Variants in CACNA2D3 observed in about 807,000 individuals in gnomAD.
The protein encoded by CACNA2D3 is voltage-dependent calcium channel subunit alpha-2/delta-3.
CACNA2D3 carries 60 observed loss-of-function variants against 160.6 expected under a neutral mutation model. The ratio of observed to expected loss-of-function variants is 0.37; its 90% CI spans 0.30 to 0.46. CACNA2D3 has a LOEUF of 0.46. CACNA2D3 is among the 20% of genes least tolerant of loss of function. The pLI, the probability that CACNA2D3 is intolerant of heterozygous loss-of-function variation, is 1.00. For synonymous variants in CACNA2D3, 558 were observed against 492.9 expected (o/e 1.13, Z -1.75); for missense variants, 1,205 against 1,365.0 (o/e 0.88, Z 1.85).
intron 3 of CACNA2D3, among the ~76,000 whole-genome samples, chr3:54,357,714 C>G (rs1476465492): frequency 6.6e-6 from 1 of 152,150 alleles, no homozygotes; most frequent in Non-Finnish European, 1.5e-5. Flanking sequence ...GTACTGCAGA[C>G]AATGGAATGT....
chr3:54,939,579 G>A lies in CACNA2D3; in HGVS notation c.2450-28871G>A, dbSNP rs866552446. 5.3e-5 allele frequency among the ~76,000 whole-genome samples: 8 copies of A among 152,200 alleles called. No homozygotes were observed. In the South Asian group the frequency reaches 6.2e-4, roughly 12 times the overall value. ...CCAGGGATTGGGCAAAGTGTGCTGG[G>A]GCCGGAGGTGGGGAAAGCAAGGCAT... is the stretch of plus-strand genomic sequence containing the variant. On this transcript the variant is annotated intron_variant, in intron 27 of 37. Transcript: ENST00000474759.
chr3:54,995,327 C>T (rs867078820), intron 31 of CACNA2D3, among the ~76,000 whole-genome samples: 2 of 152,198 alleles, frequency 1.3e-5, no homozygotes, highest in South Asian at 4.2e-4. Context: ...AGAATTGGTC[C>T]AGCCACAAAT....
intron 4 of CACNA2D3, among the ~76,000 whole-genome samples, chr3:54,412,446 G>C (rs185552434): frequency 6.6e-6 from 1 of 151,866 alleles, no homozygotes; most frequent in African/African-American, 2.4e-5. Context: ...GGATTGCTTT[G>C]TCTTCTGGTT....
chr3:54,654,526 C>G (rs1699839739), intron 11 of CACNA2D3, among the ~76,000 whole-genome samples: 1 of 152,070 alleles, frequency 6.6e-6, no homozygotes, highest in South Asian at 2.1e-4. Flanking sequence ...CTGCAGGCAA[C>G]AGCCACCACC....
chr3:55,024,950 GT>G (rs1458850517), intron 35 of CACNA2D3, among the ~76,000 whole-genome samples: 2 of 152,182 alleles, frequency 1.3e-5, no homozygotes, highest in Non-Finnish European at 2.9e-5. Context: ...AATGCCACTG[GT>G]TTTATAATGA....
At chr3:54,547,962 C>A (rs909812603) in intron 5 of CACNA2D3, among the ~76,000 whole-genome samples, 6 of 152,230 alleles carry the variant, frequency 3.9e-5, no homozygotes, top group Admixed American at 1.3e-4. Flanking sequence ...CCAAAGCACT[C>A]GGATTACAGG....
chr3:54,613,881 C>G (rs1698795074), intron 9 of CACNA2D3, among the ~76,000 whole-genome samples: 1 of 152,194 alleles, frequency 6.6e-6, no homozygotes, highest in Non-Finnish European at 1.5e-5. Context: ...CCTGCCTTTA[C>G]CTCCAGGCCC....
At chr3:54,467,903 ATGTT>A (rs776280023) in intron 4 of CACNA2D3, among the ~76,000 whole-genome samples, 2 of 152,180 alleles carry the variant, frequency 1.3e-5, no homozygotes, top group Non-Finnish European at 2.9e-5. Flanking sequence ...GAAATGATGA[ATGTT>A]TGAGGTGATG....
chr3:54,290,608 A>T (rs534392291), intron 2 of CACNA2D3, among the ~76,000 whole-genome samples: 2 of 150,800 alleles, frequency 1.3e-5, no homozygotes, highest in South Asian at 4.3e-4. Context: ...ACACATGCAC[A>T]CGTATGTTTA....
intron 2 of CACNA2D3, among the ~76,000 whole-genome samples, chr3:54,136,893 G>A (rs956308993): frequency 3.3e-5 from 5 of 152,212 alleles, no homozygotes; most frequent in African/African-American, 7.2e-5. Context: ...TTGGTGGTCC[G>A]TGGACCACGC....
intron 2 of CACNA2D3, among the ~76,000 whole-genome samples, chr3:54,266,898 G>T (rs374443528): frequency 1.1e-4 from 17 of 152,274 alleles, no homozygotes; most frequent in African/African-American, 4.1e-4. Context: ...CTTAGGGAGA[G>T]CATGGAGGGG....
intron 9 of CACNA2D3, among the ~76,000 whole-genome samples, chr3:54,592,365 C>G (rs1424712032): frequency 6.6e-6 from 1 of 152,114 alleles, no homozygotes; most frequent in Non-Finnish European, 1.5e-5. Context: ...TCTTAAAATT[C>G]TGTTAGGTTT....
At chr3:54,289,749 T>C (rs1173790670) in intron 2 of CACNA2D3, among the ~76,000 whole-genome samples, 3 of 152,018 alleles carry the variant, frequency 2.0e-5, no homozygotes, top group Admixed American at 1.3e-4. Context: ...TCAGAAATAA[T>C]GCCGCATATC....
intron 11 of CACNA2D3, among the ~76,000 whole-genome samples, chr3:54,725,738 A>C (rs975191504): frequency 6.6e-6 from 1 of 152,178 alleles, no homozygotes; most frequent in African/African-American, 2.4e-5. Context: ...GCTCTTAATA[A>C]ACTGGGTATC....
intron 4 of CACNA2D3, among the ~76,000 whole-genome samples, chr3:54,468,000 A>T (rs1242744082): frequency 6.6e-6 from 1 of 152,224 alleles, no homozygotes; most frequent in East Asian, 1.9e-4. Flanking sequence ...AATATGTACA[A>T]TTATGATGTG....
At chr3:54,266,791 T>C (rs1702524943) in intron 2 of CACNA2D3, among the ~76,000 whole-genome samples, 1 of 152,228 alleles carries the variant, frequency 6.6e-6, no homozygotes, top group African/African-American at 2.4e-5. Context: ...TACTAGAGAC[T>C]GGCTTACTCC....
At chr3:55,027,675 C>G (rs1703593462) in intron 35 of CACNA2D3, among the ~76,000 whole-genome samples, 1 of 152,164 alleles carries the variant, frequency 6.6e-6, no homozygotes, top group Non-Finnish European at 1.5e-5. Context: ...AAAAATAACA[C>G]AATTCTGCAG....
At chr3:54,382,641 G>A (rs530713387) in intron 3 of CACNA2D3, among the ~76,000 whole-genome samples, 2 of 152,124 alleles carry the variant, frequency 1.3e-5, no homozygotes, top group Non-Finnish European at 2.9e-5. Context: ...AAAATTAGCC[G>A]GGAGTGATGG....
At position 54,734,881 on chromosome 3, in the gene CACNA2D3, G is replaced by A. The variant is rs546511609; in HGVS notation, c.1168-17718G>A. On this transcript the variant is annotated intron_variant, in intron 11 of 37. Transcript: ENST00000474759. ...ATTATATCATGCATTATGGAAGTTC[G>A]GTGATGGGGATTAGCATCCAGAAAA... Among the ~76,000 whole-genome samples, 66 of 152,298 alleles carry A rather than the reference G, an allele frequency of 4.3e-4. No homozygotes were observed. The South Asian group carries it at 0.013, about 31-fold the overall frequency.
Sources: allele counts gnomAD v4.1 joint callset (sites outside exome capture counted in the v4.1 genomes callset), GRCh38; gene constraint gnomAD v4.1.1; transcripts MANE v1.5; gene names NCBI Gene and HGNC (gene_info 2026-07-23, HGNC 2026-07-21).